Variants in RNLS observed in about 807,000 individuals in gnomAD.
The protein encoded by RNLS is renalase.
In RNLS, 39 loss-of-function variants were observed where a neutral mutation model predicts 39.8. The observed-to-expected ratio is 0.98, with a 90% confidence interval of 0.76 to 1.28. The LOEUF (loss-of-function observed/expected upper bound fraction) is 1.28. RNLS is among the 50% of genes most tolerant of loss of function. The pLI is 0.00. For missense variants in RNLS, 410 were observed against 413.3 expected (o/e 0.99, Z 0.07); for synonymous variants, 147 against 150.7 (o/e 0.98, Z 0.18).
At chr10:88,310,287 T>G (rs116793702) in intron 6 of RNLS, among the ~76,000 whole-genome samples, 1,822 of 152,264 alleles carry the variant, frequency 0.012, 38 homozygotes, top group African/African-American at 0.042. Context: ...ATGCCAAGAC[T>G]GGGCCACGAG....
intron 4 of RNLS, among the ~76,000 whole-genome samples, chr10:88,527,731 A>G (rs1847190401): frequency 6.6e-6 from 1 of 152,180 alleles, no homozygotes; most frequent in Non-Finnish European, 1.5e-5. Flanking sequence ...GTGCACCTTT[A>G]AAATACGAAT....
At chr10:88,182,653 T>TTC in the RNLS span, among the ~76,000 whole-genome samples, 1 of 151,770 alleles carries the variant, frequency 6.6e-6, no homozygotes, top group Non-Finnish European at 1.5e-5. Flanking sequence ...CAGTGAAACT[T>TTC]TCTCTCTCTC....
chr10:88,340,363 A>T (rs1165183862), intron 5 of RNLS, among the ~76,000 whole-genome samples: 1 of 152,248 alleles, frequency 6.6e-6, no homozygotes, highest in Non-Finnish European at 1.5e-5. Flanking sequence ...GTTTTGTGAG[A>T]CAGATCTCTC....
intron 5 of RNLS, among the ~76,000 whole-genome samples, chr10:88,316,645 A>G (rs17111076): frequency 0.012 from 1,837 of 152,274 alleles, 38 homozygotes; most frequent in African/African-American, 0.042. Context: ...GGAAACTCGT[A>G]AAGTCACTAA....
At chr10:88,438,390 C>A (rs1841531011) in intron 4 of RNLS, among the ~76,000 whole-genome samples, 1 of 152,154 alleles carries the variant, frequency 6.6e-6, no homozygotes, top group African/African-American at 2.4e-5. Flanking sequence ...TGAATAAGTT[C>A]CCTTCTTATT....
rs182563551 is a variant in RNLS at position 88,275,920 on chromosome 10, G to T, written c.877-888C>A. Among the ~76,000 whole-genome samples the T allele has an allele frequency of 4.6e-5, 7 of 152,126 alleles. No individual in the cohort carries two copies. The East Asian group carries it at 9.7e-4, about 21-fold the overall frequency. On this transcript the variant is annotated intron_variant, in intron 6 of 6. Coordinates refer to the RNLS transcript ENST00000371947. ...AACAAAAAAATTAGCCTAATGTAGG[G>T]GTGTGTGCCTGTAGTCCCAGCTATT...
chr10:88,307,149 C>G (rs1250440245), intron 6 of RNLS, among the ~76,000 whole-genome samples: 1 of 152,154 alleles, frequency 6.6e-6, no homozygotes, highest in Non-Finnish European at 1.5e-5. Flanking sequence ...TCTCGATAAA[C>G]TAGGTATTGA....
At chr10:88,389,370 T>C (rs940012247) in intron 4 of RNLS, among the ~76,000 whole-genome samples, 4 of 152,138 alleles carry the variant, frequency 2.6e-5, no homozygotes, top group Non-Finnish European at 2.9e-5. Flanking sequence ...AGCTCACACA[T>C]TGGCCATAAT....
chr10:88,370,895 A>G (rs1589671392), intron 4 of RNLS, among the ~76,000 whole-genome samples: 1 of 152,188 alleles, frequency 6.6e-6, no homozygotes, highest in East Asian at 1.9e-4. Context: ...CTTGGACTCT[A>G]TAGGTATAGA....
rs114930566 is a variant in RNLS, at chr10:88,384,967, G to A, written c.527-22242C>T. 6.8e-3 allele frequency among the ~76,000 whole-genome samples: 1,033 copies of A among 152,282 alleles called. 7 individuals are homozygous for A. Among genetic ancestry groups the A allele is most frequent in the African/African-American group, 0.024 (987 of 41,526 alleles). On this transcript the variant is annotated intron_variant, in intron 4 of 6. Transcript: ENST00000331772. ...CCTCCTTGTTAGCTGTGTGACCTTGGTCAAATCACTTAACCTTTCTGAGCT... is the reference window on the plus strand; with the variant it reads ...CCTCCTTGTTAGCTGTGTGACCTTGATCAAATCACTTAACCTTTCTGAGCT...
At chr10:88,306,055 G>C (rs1299005726) in intron 6 of RNLS, among the ~76,000 whole-genome samples, 1 of 152,116 alleles carries the variant, frequency 6.6e-6, no homozygotes, top group African/African-American at 2.4e-5. Flanking sequence ...CATGAAAACT[G>C]AATAACCTGC....
the RNLS span, among the ~76,000 whole-genome samples, chr10:88,215,691 ATTTTT>A: frequency 4.2e-5 from 4 of 95,432 alleles, no homozygotes; most frequent in Non-Finnish European, 8.2e-5. Context: ...ACCATCTGTA[ATTTTT>A]TTTTTTTTTT....
intron 4 of RNLS, among the ~76,000 whole-genome samples, chr10:88,467,676 C>T (rs1221376501): frequency 6.6e-6 from 1 of 152,062 alleles, no homozygotes; most frequent in Non-Finnish European, 1.5e-5. Context: ...ATGCCTGAGT[C>T]CCAACACTAG....
At chr10:88,555,959 C>G (rs1438834880) in intron 4 of RNLS, among the ~76,000 whole-genome samples, 1 of 152,086 alleles carries the variant, frequency 6.6e-6, no homozygotes, top group East Asian at 1.9e-4. Flanking sequence ...TGATGATTTT[C>G]AAATATATCT....
chr10:88,401,085 T>G (rs1852886089), intron 4 of RNLS, among the ~76,000 whole-genome samples: 1 of 151,902 alleles, frequency 6.6e-6, no homozygotes, highest in Non-Finnish European at 1.5e-5. Flanking sequence ...TCCCCCCTAC[T>G]CACCCCTTTT....
intron 4 of RNLS, among the ~76,000 whole-genome samples, chr10:88,382,012 T>A (rs909964314): frequency 1.3e-5 from 2 of 152,174 alleles, no homozygotes; most frequent in African/African-American, 4.8e-5. Flanking sequence ...CTATTATCTA[T>A]GATCACTTTC....
intron 4 of RNLS, among the ~76,000 whole-genome samples, chr10:88,437,414 A>G (rs1841472128): frequency 6.6e-6 from 1 of 152,206 alleles, no homozygotes; most frequent in Non-Finnish European, 1.5e-5. Flanking sequence ...TTATTTTAGA[A>G]CCAAGATATT....
the RNLS span, among the ~76,000 whole-genome samples, chr10:88,215,697 T>TA: frequency 6.8e-6 from 1 of 147,834 alleles, no homozygotes; most frequent in Non-Finnish European, 1.5e-5. Context: ...TGTAATTTTT[T>TA]TTTTTTTTTT....
At chr10:88,264,006 G>A in the RNLS span, among the ~76,000 whole-genome samples, 1 of 152,064 alleles carries the variant, frequency 6.6e-6, no homozygotes, top group Non-Finnish European at 1.5e-5. Flanking sequence ...AAAGTCCATT[G>A]TATCATTCTT....
Sources: gnomAD v4.1 joint callset for allele counts (sites outside exome capture counted in the v4.1 genomes callset) on GRCh38, gnomAD v4.1.1 for gene constraint, MANE v1.5 for transcripts, NCBI Gene and HGNC (gene_info 2026-07-23, HGNC 2026-07-21) for gene names.